PDE4D: variants seen among roughly 807,000 people sequenced by gnomAD.
The protein encoded by PDE4D is 3',5'-cyclic-AMP phosphodiesterase 4D.
Under a neutral mutation model 87.4 loss-of-function variants are expected in PDE4D, and 24 were observed. That is an observed-to-expected ratio of 0.27 (90% CI 0.20 to 0.39). PDE4D has a LOEUF of 0.39. PDE4D is among the 10% of genes least tolerant of loss of function. PDE4D has a pLI of 1.00. For missense variants in PDE4D, 714 were observed against 1,041.0 expected, an observed-to-expected ratio of 0.69 and a Z score of 4.32; for synonymous variants, 384 against 383.2, an observed-to-expected ratio of 1.00 and a Z score of -0.02.
chr5:60,263,491 GT>G (rs2149708181), intron 1 of PDE4D, among the ~76,000 whole-genome samples: 1 of 151,884 alleles, frequency 6.6e-6, no homozygotes, highest in African/African-American at 2.4e-5. Flanking sequence ...TCCAGTAGCA[GT>G]GGGAGATGCA....
intron 1 of PDE4D, among the ~76,000 whole-genome samples, chr5:59,404,805 T>C (rs750659529): frequency 1.4e-4 from 21 of 152,228 alleles, no homozygotes; most frequent in Non-Finnish European, 2.9e-4. Flanking sequence ...CGGCAAGAGA[T>C]AGAAGTCTAG....
At chr5:60,115,041 G>A (rs538268847) in intron 2 of PDE4D, among the ~76,000 whole-genome samples, 13 of 151,848 alleles carry the variant, frequency 8.6e-5, no homozygotes, top group South Asian at 2.1e-4. Flanking sequence ...AGAAAAAAAC[G>A]GACAGTATTC....
intron 1 of PDE4D, among the ~76,000 whole-genome samples, chr5:59,656,274 A>C (rs3797208): frequency 0.087 from 13,302 of 152,112 alleles, 1,764 homozygotes; most frequent in African/African-American, 0.29. Context: ...CACATACAAT[A>C]AACTCACATA....
At chr5:59,401,560 A>G (rs896124139) in intron 1 of PDE4D, among the ~76,000 whole-genome samples, 3 of 152,052 alleles carry the variant, frequency 2.0e-5, no homozygotes, top group African/African-American at 7.3e-5. Context: ...GTGGCGTGCA[A>G]TTGAGAGATG....
chr5:59,562,286 C>T (rs1445358383), intron 1 of PDE4D, among the ~76,000 whole-genome samples: 2 of 152,008 alleles, frequency 1.3e-5, no homozygotes, highest in African/African-American at 4.8e-5. Context: ...AGGGAAATTG[C>T]TTATTCTTAT....
At chr5:59,994,486 A>G (rs1295052978) in intron 2 of PDE4D, among the ~76,000 whole-genome samples, 1 of 152,122 alleles carries the variant, frequency 6.6e-6, no homozygotes, top group Non-Finnish European at 1.5e-5. Flanking sequence ...AGGTAGCTAT[A>G]GAGATGTCAG....
chr5:59,649,967 G>T (rs13360654), intron 1 of PDE4D, among the ~76,000 whole-genome samples: 1 of 106,204 alleles, frequency 9.4e-6, no homozygotes, highest in Non-Finnish European at 1.8e-5. Context: ...TGTTTCTTCA[G>T]AACTGCTTAG....
intron 1 of PDE4D, among the ~76,000 whole-genome samples, chr5:59,235,385 G>T (rs1454730090): frequency 6.6e-6 from 1 of 152,152 alleles, no homozygotes; most frequent in Non-Finnish European, 1.5e-5. Flanking sequence ...TTGTTCAGTG[G>T]AATTCACACA....
At chr5:60,072,765 T>A (rs1772858732) in intron 2 of PDE4D, among the ~76,000 whole-genome samples, 1 of 151,974 alleles carries the variant, frequency 6.6e-6, no homozygotes, top group Non-Finnish European at 1.5e-5. Context: ...GAATAGGGAG[T>A]CCTTTCCCCT....
intron 1 of PDE4D, among the ~76,000 whole-genome samples, chr5:59,867,232 C>G (rs889207084): frequency 6.6e-6 from 1 of 152,000 alleles, no homozygotes; most frequent in Non-Finnish European, 1.5e-5. Flanking sequence ...TCAAGAGTCA[C>G]TTCTATGACC....
At chr5:59,521,947 G>A (rs556255221) in intron 1 of PDE4D, among the ~76,000 whole-genome samples, 20 of 152,202 alleles carry the variant, frequency 1.3e-4, no homozygotes, top group South Asian at 6.2e-4. Flanking sequence ...GATAGTAGCC[G>A]ACAATTATTG....
chr5:59,988,463 G>A, intron 3 of PDE4D: 4 of 1,435,522 alleles, frequency 2.8e-6, no homozygotes, highest in Non-Finnish European at 1.9e-6. Flanking sequence ...TATAAAATGG[G>A]GAAATGACAT....
intron 2 of PDE4D, among the ~76,000 whole-genome samples, chr5:60,137,010 C>G (rs942424278): frequency 1.3e-5 from 2 of 152,056 alleles, no homozygotes; most frequent in Non-Finnish European, 2.9e-5. Flanking sequence ...TTCCCCACTC[C>G]CAATGTGTCC....
chr5:59,757,759 A>C (rs892120332), intron 1 of PDE4D, among the ~76,000 whole-genome samples: 1 of 152,142 alleles, frequency 6.6e-6, no homozygotes, highest in Non-Finnish European at 1.5e-5. Flanking sequence ...TCTTTCCCTG[A>C]ATGATTGACT....
At chr5:60,176,128 A>C (rs374618470) in intron 2 of PDE4D, among the ~76,000 whole-genome samples, 4 of 152,074 alleles carry the variant, frequency 2.6e-5, no homozygotes, top group Non-Finnish European at 4.4e-5. Flanking sequence ...TGCACTCCCT[A>C]TATCTGCCAC....
chr5:59,651,998 C>T (rs910494537), intron 1 of PDE4D, among the ~76,000 whole-genome samples: 31 of 152,306 alleles, frequency 2.0e-4, no homozygotes, highest in Admixed American at 1.2e-3. Flanking sequence ...AAGGCCTAAC[C>T]CTCTCACCCG....
chr5:60,059,040 A>G (rs899568218), intron 2 of PDE4D, among the ~76,000 whole-genome samples: 58 of 142,420 alleles, frequency 4.1e-4, no homozygotes, highest in East Asian at 3.0e-3. Context: ...GCATTGTCAT[A>G]TGTGTGTGTG....
intron 2 of PDE4D, among the ~76,000 whole-genome samples, chr5:60,103,649 G>C (rs1776495325): frequency 6.6e-6 from 1 of 152,040 alleles, no homozygotes; most frequent in African/African-American, 2.4e-5. Flanking sequence ...ATAAACCGAA[G>C]ACAAAACAGA....
At position 60,289,197 on chromosome 5, in the gene PDE4D, T is replaced by C. The variant is rs745564958; in HGVS notation, c.-89-103510A>G. Among the ~76,000 whole-genome samples the C allele has an allele frequency of 1.3e-3, 194 of 152,194 alleles. 2 individuals carry two copies. The highest frequency in any genetic ancestry group is 4.6e-3 in the Admixed American group (71 of 15,278). On this transcript the variant is annotated intron_variant, in intron 1 of 16. Coordinates refer to the PDE4D transcript ENST00000502484. ...AAGGAAAATGCGTTAGAAAAATGTTTATAACATTTAAATTTGTTAGTTGCT... is the reference window on the plus strand; with the variant it reads ...AAGGAAAATGCGTTAGAAAAATGTTCATAACATTTAAATTTGTTAGTTGCT...
Sources: allele counts gnomAD v4.1 joint callset (sites outside exome capture counted in the v4.1 genomes callset), GRCh38; gene constraint gnomAD v4.1.1; transcripts MANE v1.5; gene names NCBI Gene and HGNC (gene_info 2026-07-23, HGNC 2026-07-21).